The following SPANXN2 variants were observed in gnomAD, a reference collection of about 807,000 sequenced individuals.
The protein encoded by SPANXN2 is sperm protein associated with the nucleus on the X chromosome N2.
SPANXN2 carries 1 observed loss-of-function variant against 2.0 expected under a neutral mutation model. The observed-to-expected ratio is 0.50, with a 90% CI of 0.18 to 2.36. The LOEUF (loss-of-function observed/expected upper bound fraction) is 2.36, where lower values mean the gene tolerates loss of function less well. Ranked by LOEUF, SPANXN2 falls within the 30% of genes most tolerant of loss-of-function variation. SPANXN2 has a pLI of 0.26. For missense variants in SPANXN2, 88 were observed against 116.7 expected, an observed-to-expected ratio of 0.75 and a Z score of 1.13; for synonymous variants, 43 against 49.8, an observed-to-expected ratio of 0.86 and a Z score of 0.58.
intron 1 of SPANXN2, among the ~76,000 whole-genome samples, chrX:143,714,947 C>G (rs184254082): frequency 1.7e-3 from 192 of 111,760 alleles, no homozygotes; most frequent in Non-Finnish European, 2.9e-3. Flanking sequence ...ACAGTCAACT[C>G]CAGGAGCCTG....
chrX:143,717,762 T>G (rs1160632117), intron 1 of SPANXN2, among the ~76,000 whole-genome samples: 1 of 111,855 alleles, frequency 8.9e-6, no homozygotes, highest in Non-Finnish European at 1.9e-5. Context: ...CAGGAAGCTA[T>G]CAAACCATCT....
In SPANXN2 at chrX:143,713,007, C is replaced by T. The variant is rs781912395; in HGVS notation, c.79-508G>A. 1.5e-3 allele frequency among the ~76,000 whole-genome samples: 164 copies of T among 111,623 alleles called. 1 individual carries two copies. Among genetic ancestry groups the T allele is most frequent in the African/African-American group, 5.2e-3 (158 of 30,676 alleles). ...CCCTGTAAGTACCCCAGCCTGTAAG[C>T]GGCGGTGGGCTCTGGCATTAAGCTT... On this transcript the variant is annotated intron_variant, in intron 1 of 1. Coordinates refer to ENST00000598475, the Ensembl canonical transcript of SPANXN2.
exon 1 of SPANXN2, chrX:143,720,674 T>C: frequency 8.3e-7 from 1 of 1,210,403 alleles, no homozygotes; most frequent in Non-Finnish European, 1.1e-6. Flanking sequence ...TCCATGATTC[T>C]GCTTGGTTGT....
intron 1 of SPANXN2, among the ~76,000 whole-genome samples, chrX:143,717,829 A>G (rs1406482673): frequency 3.6e-5 from 4 of 111,931 alleles, no homozygotes; most frequent in Admixed American, 9.5e-5. Flanking sequence ...GCAAATCAAC[A>G]TCACTCACAT....
intron 1 of SPANXN2, among the ~76,000 whole-genome samples, chrX:143,720,167 C>G (rs1369996509): frequency 2.3e-4 from 26 of 111,253 alleles, no homozygotes; most frequent in South Asian, 3.8e-4. Context: ...AGTAAGCACC[C>G]TGCTATTTTG....
At chrX:143,716,624 A>G (rs781868963) in intron 1 of SPANXN2, among the ~76,000 whole-genome samples, 2 of 112,069 alleles carry the variant, frequency 1.8e-5, no homozygotes, top group Non-Finnish European at 3.8e-5. Context: ...TCTGCCAAAC[A>G]TATGGCAACG....
At chrX:143,715,324 C>T (rs781927080) in intron 1 of SPANXN2, among the ~76,000 whole-genome samples, 2 of 106,925 alleles carry the variant, frequency 1.9e-5, no homozygotes, top group Non-Finnish European at 3.9e-5. Flanking sequence ...CAGACTGGTC[C>T]TTTATTATAC....
rs782386690 is a variant in SPANXN2, at chrX:143,717,970, C to T, written c.78+2621G>A. On this transcript the variant is annotated intron_variant, in intron 1 of 1. Transcript: ENST00000598475. ...TATTCTCTCCACCCATATTATCCAC[C>T]GGTTTAAACTCCCCTCTTGCATCCA... is the stretch of plus-strand genomic sequence containing the variant. Among the ~76,000 whole-genome samples, 10 of 111,881 alleles carry T rather than the reference C, an allele frequency of 8.9e-5. No individual in the cohort carries two copies. The South Asian group carries it at 1.9e-3, about 21-fold the overall frequency.
intron 1 of SPANXN2, among the ~76,000 whole-genome samples, chrX:143,716,984 C>T (rs1932278604): frequency 8.9e-6 from 1 of 112,165 alleles, no homozygotes. Flanking sequence ...TAGACTCCCT[C>T]TCCTCCCCCT....
chrX:143,717,162 G>C (rs782732975), intron 1 of SPANXN2, among the ~76,000 whole-genome samples: 8 of 112,298 alleles, frequency 7.1e-5, no homozygotes, highest in African/African-American at 2.3e-4. Flanking sequence ...GGCAAAGCTA[G>C]TTGCCCTAAC....
chrX:143,712,566 C>A, intron 1 of SPANXN2, 67 bp from the exon 2 acceptor site: 2 of 1,017,816 alleles, frequency 2.0e-6, no homozygotes, highest in Non-Finnish European at 2.7e-6. Context: ...GACTGGATAG[C>A]AAGGGGGGCT....
At chrX:143,712,789 C>T (rs782678050) in intron 1 of SPANXN2, among the ~76,000 whole-genome samples, 26 of 111,697 alleles carry the variant, frequency 2.3e-4, no homozygotes, top group South Asian at 2.3e-3. Flanking sequence ...AAACATCCTG[C>T]CTAACCACCT....
chrX:143,720,167 C>T (rs1369996509), intron 1 of SPANXN2, among the ~76,000 whole-genome samples: 1 of 111,306 alleles, frequency 9.0e-6, no homozygotes, highest in Admixed American at 9.5e-5. Flanking sequence ...AGTAAGCACC[C>T]TGCTATTTTG....
At chrX:143,712,411 T>G (rs1712706150) in exon 2 of SPANXN2, 1 of 1,211,410 alleles carries the variant, frequency 8.3e-7, no homozygotes, top group African/African-American at 1.7e-5. Context: ...CTTCCTGTAG[T>G]AATACACTAT....
chrX:143,716,000 C>A (rs1932256314), intron 1 of SPANXN2, among the ~76,000 whole-genome samples: 1 of 111,577 alleles, frequency 9.0e-6, no homozygotes, highest in South Asian at 3.8e-4. Context: ...TGTACTCTTA[C>A]AGGACTTACA....
At chrX:143,717,642 G>A (rs1321296829) in intron 1 of SPANXN2, among the ~76,000 whole-genome samples, 3 of 111,970 alleles carry the variant, frequency 2.7e-5, no homozygotes, top group African/African-American at 9.8e-5. Flanking sequence ...TTTCCATGCC[G>A]GTTACTGCCC....
intron 1 of SPANXN2, among the ~76,000 whole-genome samples, chrX:143,715,332 T>G (rs1228867288): frequency 4.5e-5 from 5 of 110,168 alleles, no homozygotes; most frequent in Non-Finnish European, 9.5e-5. Context: ...TCCTTTATTA[T>G]ACAACCTATT....
intron 1 of SPANXN2, among the ~76,000 whole-genome samples, chrX:143,720,105 C>T (rs1602681904): frequency 1.8e-5 from 2 of 111,102 alleles, no homozygotes; most frequent in East Asian, 5.7e-4. Context: ...CAATGCCCCT[C>T]TTCCTTTTAT....
intron 1 of SPANXN2, among the ~76,000 whole-genome samples, chrX:143,716,542 T>A (rs1428006509): frequency 3.6e-5 from 4 of 111,844 alleles, no homozygotes; most frequent in African/African-American, 1.3e-4. Context: ...GCCCTGGCAC[T>A]GGGACTGCCA....
Sources: allele counts gnomAD v4.1 joint callset (sites outside exome capture counted in the v4.1 genomes callset), GRCh38; gene constraint gnomAD v4.1.1; transcripts MANE v1.5; gene names NCBI Gene and HGNC (gene_info 2026-07-23, HGNC 2026-07-21).